Variants in LOC128092246 observed in about 807,000 individuals in gnomAD.
At chr6:53,041,365 G>A in the LOC128092246 span, 9 of 711,920 alleles carry the variant, frequency 1.3e-5, no homozygotes, top group African/African-American at 3.5e-5. Flanking sequence ...TCAATAGGAC[G>A]TGACTGTCTC....
At chr6:53,041,320 C>G in the LOC128092246 span, 1 of 909,248 alleles carries the variant, frequency 1.1e-6, no homozygotes, top group African/African-American at 1.6e-5. Context: ...CAGAGTGTAA[C>G]CAGATTTTTC....
the LOC128092246 span, chr6:53,041,385 T>A: frequency 3.1e-6 from 2 of 655,488 alleles, no homozygotes; most frequent in Admixed American, 2.3e-5. Context: ...CCCAAATACA[T>A]ATTTCCAAAA....
the LOC128092246 span, chr6:53,041,286 T>C: frequency 7.5e-7 from 1 of 1,333,772 alleles, no homozygotes; most frequent in Non-Finnish European, 1.1e-6. Context: ...AGTGGTTCAG[T>C]TCTGCAGTGG....
At chr6:53,041,282 T>C in the LOC128092246 span, 1 of 1,394,032 alleles carries the variant, frequency 7.2e-7, no homozygotes, top group Non-Finnish European at 1.0e-6. Flanking sequence ...CCGAAGTGGT[T>C]CAGTTCTGCA....
the LOC128092246 span, chr6:53,041,330 C>T: frequency 7.3e-6 from 6 of 820,388 alleles, no homozygotes; most frequent in South Asian, 2.7e-5. Flanking sequence ...CCAGATTTTT[C>T]GATGGCAGCA....
At chr6:53,041,383 C>A in the LOC128092246 span, 1 of 658,744 alleles carries the variant, frequency 1.5e-6, no homozygotes, top group Non-Finnish European at 2.8e-6. Context: ...CTCCCAAATA[C>A]ATATTTCCAA....
chr6:53,041,274 G>A, the LOC128092246 span: 5 of 1,481,548 alleles, frequency 3.4e-6, no homozygotes, highest in Middle Eastern at 1.8e-4. Flanking sequence ...TCTCACGGCC[G>A]AAGTGGTTCA....
Sources: allele counts gnomAD v4.1 joint callset, GRCh38; gene constraint gnomAD v4.1.1; transcripts MANE v1.5.